SGCZ: variants seen among roughly 807,000 people sequenced by gnomAD.
The protein encoded by SGCZ is zeta-sarcoglycan.
A neutral mutation model predicts 41.3 loss-of-function variants in SGCZ; 40 were observed. The ratio of observed to expected loss-of-function variants is 0.97; its 90% CI spans 0.75 to 1.26. The LOEUF (loss-of-function observed/expected upper bound fraction) is 1.26. SGCZ is among the 50% of genes most tolerant of loss of function. The pLI is 0.00. For missense variants in SGCZ, 552 were observed against 369.8 expected (o/e 1.49, Z -4.04); for synonymous variants, 206 against 137.5 (o/e 1.50, Z -3.49).
intron 1 of SGCZ, among the ~76,000 whole-genome samples, chr8:15,179,266 G>T (rs535648769): frequency 2.0e-5 from 3 of 152,242 alleles, no homozygotes; most frequent in Middle Eastern, 3.4e-3. Context: ...GAGGGAATGA[G>T]GATGGTGTAT....
At chr8:14,388,536 G>T (rs570709645) in intron 2 of SGCZ, among the ~76,000 whole-genome samples, 2 of 152,026 alleles carry the variant, frequency 1.3e-5, no homozygotes, top group Non-Finnish European at 2.9e-5. Context: ...AAAATTCACT[G>T]GTCTCAGCAA....
chr8:14,132,190 T>G (rs1175985620), intron 5 of SGCZ, among the ~76,000 whole-genome samples: 1 of 152,168 alleles, frequency 6.6e-6, no homozygotes, highest in Admixed American at 6.6e-5. Context: ...TGGCCTGTCT[T>G]AAAGTTTGCT....
chr8:14,207,781 G>C (rs1346571127), intron 4 of SGCZ, among the ~76,000 whole-genome samples: 1 of 152,066 alleles, frequency 6.6e-6, no homozygotes, highest in African/African-American at 2.4e-5. Context: ...ACCTACTTTA[G>C]ATTATAAACT....
At chr8:14,245,799 C>A (rs1427970275) in intron 3 of SGCZ, among the ~76,000 whole-genome samples, 2 of 152,156 alleles carry the variant, frequency 1.3e-5, no homozygotes, top group East Asian at 3.9e-4. Context: ...CATGAACAGA[C>A]GCTTCTCAAA....
chr8:15,056,137 C>G (rs947508135), intron 1 of SGCZ, among the ~76,000 whole-genome samples: 10 of 152,136 alleles, frequency 6.6e-5, no homozygotes, highest in African/African-American at 2.4e-4. Context: ...GCTCTCCCAG[C>G]CCCTTACTCC....
rs117862562 is a variant in SGCZ, at chr8:15,052,159, G to C, written c.39+185426C>G. On this transcript the variant is annotated intron_variant, in intron 1 of 7. Transcript: ENST00000382080. ...ATCAAGAGGAGGAGAGAAAGATCAA[G>C]AGCAAGGGATTTTTAATAAAAGAAA... Among the ~76,000 whole-genome samples the C allele has an allele frequency of 5.3e-5, 8 of 152,276 alleles. No individual in the cohort carries two copies. The East Asian group carries it at 1.5e-3, about 29-fold the overall frequency.
intron 2 of SGCZ, among the ~76,000 whole-genome samples, chr8:14,415,292 T>C (rs1563314461): frequency 1.3e-5 from 2 of 151,926 alleles, no homozygotes; most frequent in African/African-American, 4.8e-5. Flanking sequence ...CAAAAATTGT[T>C]TATCACAACA....
At chr8:14,756,621 C>T (rs1459528918) in intron 1 of SGCZ, among the ~76,000 whole-genome samples, 2 of 152,194 alleles carry the variant, frequency 1.3e-5, no homozygotes, top group Admixed American at 1.3e-4. Context: ...TCAAACATAA[C>T]AGGCGTGCTT....
At chr8:14,718,779 A>G (rs914602947) in intron 1 of SGCZ, among the ~76,000 whole-genome samples, 6 of 151,376 alleles carry the variant, frequency 4.0e-5, no homozygotes, top group Non-Finnish European at 7.4e-5. Flanking sequence ...AGAAATGAAC[A>G]GTTTAGAAAT....
chr8:14,362,854 C>T (rs1487522686), intron 2 of SGCZ, among the ~76,000 whole-genome samples: 1 of 152,160 alleles, frequency 6.6e-6, no homozygotes, highest in East Asian at 1.9e-4. Context: ...TCCTTATACA[C>T]AGAAACTTTT....
At position 14,994,350 on chromosome 8, in the gene SGCZ, G is replaced by A. The variant is rs536591088; in HGVS notation, c.39+243235C>T. 6.9e-4 allele frequency among the ~76,000 whole-genome samples: 105 copies of A among 152,240 alleles called. No homozygotes were observed. In the Middle Eastern group the frequency reaches 0.017, roughly 25 times the overall value. On this transcript the variant is annotated intron_variant, in intron 1 of 7. Transcript: ENST00000382080. Reference sequence around the variant, plus strand: ...TGTAATCCCAGCACTTTGGGAGGCCGAGGCGGGCAGATTGCCTGAGCTCAG... The same window carrying A: ...TGTAATCCCAGCACTTTGGGAGGCCAAGGCGGGCAGATTGCCTGAGCTCAG...
At chr8:14,146,732 C>G (rs1199514319) in intron 5 of SGCZ, among the ~76,000 whole-genome samples, 3 of 149,528 alleles carry the variant, frequency 2.0e-5, no homozygotes, top group Non-Finnish European at 3.0e-5. Flanking sequence ...ATTAGCCGGG[C>G]GTAGTGGCGG....
intron 3 of SGCZ, among the ~76,000 whole-genome samples, chr8:14,275,120 G>A (rs546707569): frequency 1.3e-5 from 2 of 152,158 alleles, no homozygotes; most frequent in African/African-American, 4.8e-5. Context: ...TGTGTCCATA[G>A]TTATGCTGGT....
intron 3 of SGCZ, among the ~76,000 whole-genome samples, chr8:14,297,903 GA>G (rs1004685616): frequency 4.6e-5 from 7 of 151,896 alleles, no homozygotes; most frequent in Admixed American, 3.3e-4. Context: ...GAGGGAGAAT[GA>G]ATGGTGATAA....
intron 1 of SGCZ, among the ~76,000 whole-genome samples, chr8:14,780,497 C>T (rs941848615): frequency 6.6e-6 from 1 of 151,844 alleles, no homozygotes. Flanking sequence ...ATTGTTAATC[C>T]TTCCCTTGTA....
At chr8:14,748,358 A>G (rs948472622) in intron 1 of SGCZ, among the ~76,000 whole-genome samples, 6 of 152,178 alleles carry the variant, frequency 3.9e-5, no homozygotes, top group African/African-American at 9.7e-5. Flanking sequence ...TAGTGAGGCA[A>G]TATGGTGGCA....
intron 1 of SGCZ, among the ~76,000 whole-genome samples, chr8:15,213,767 T>G (rs1801311370): frequency 6.6e-6 from 1 of 151,904 alleles, no homozygotes; most frequent in Admixed American, 6.6e-5. Flanking sequence ...AATACTGTTT[T>G]ATGTCTTGAG....
At chr8:15,206,290 C>G (rs531636745) in intron 1 of SGCZ, among the ~76,000 whole-genome samples, 9 of 152,152 alleles carry the variant, frequency 5.9e-5, no homozygotes, top group African/African-American at 1.4e-4. Flanking sequence ...ATATTACAGG[C>G]TGAGTTGGTT....
intron 1 of SGCZ, among the ~76,000 whole-genome samples, chr8:14,912,988 A>G (rs1236920072): frequency 6.6e-6 from 1 of 152,044 alleles, no homozygotes; most frequent in Non-Finnish European, 1.5e-5. Context: ...GTTAGTAATT[A>G]ATTTTGTTTG....
Sources: allele counts gnomAD v4.1 joint callset (sites outside exome capture counted in the v4.1 genomes callset), GRCh38; gene constraint gnomAD v4.1.1; transcripts MANE v1.5; gene names NCBI Gene and HGNC (gene_info 2026-07-23, HGNC 2026-07-21).